Variants in ADGRL3 observed in about 807,000 individuals in gnomAD.
ADGRL3 encodes the protein adhesion G protein-coupled receptor L3.
A neutral mutation model predicts 153.5 loss-of-function variants in ADGRL3; 62 were observed. The observed-to-expected ratio is 0.40, with a 90% CI of 0.33 to 0.50. The LOEUF (loss-of-function observed/expected upper bound fraction) is 0.50. Among genes scored for constraint, ADGRL3 ranks in the 20% least tolerant of loss-of-function variants. ADGRL3 has a pLI of 0.47. For missense variants in ADGRL3, 1,641 were observed against 1,859.4 expected (o/e 0.88, Z 2.16); for synonymous variants, 710 against 672.5 (o/e 1.06, Z -0.86).
chr4:61,290,793 T>G (rs2094148088), intron 1 of ADGRL3, among the ~76,000 whole-genome samples: 1 of 152,000 alleles, frequency 6.6e-6, no homozygotes, highest in Non-Finnish European at 1.5e-5. Context: ...GTTCTTTTAT[T>G]TACAATGTGT....
intron 9 of ADGRL3, among the ~76,000 whole-genome samples, chr4:61,863,901 G>A (rs546423243): frequency 5.3e-5 from 8 of 152,182 alleles, no homozygotes; most frequent in Admixed American, 2.6e-4. Flanking sequence ...TCAATCAGGT[G>A]TTTGGAATGA....
chr4:61,982,532 G>A (rs2099072132), intron 18 of ADGRL3, among the ~76,000 whole-genome samples: 1 of 152,104 alleles, frequency 6.6e-6, no homozygotes, highest in Non-Finnish European at 1.5e-5. Context: ...TTTTCTAGTA[G>A]CAGTTATAGA....
At chr4:61,510,052 G>C (rs544317232) in intron 3 of ADGRL3, among the ~76,000 whole-genome samples, 1 of 152,112 alleles carries the variant, frequency 6.6e-6, no homozygotes, top group South Asian at 2.1e-4. Flanking sequence ...TTTGTTGGCC[G>C]CTTGTATGTC....
intron 6 of ADGRL3, among the ~76,000 whole-genome samples, chr4:61,684,854 A>C (rs755457182): frequency 1.2e-4 from 18 of 152,094 alleles, no homozygotes; most frequent in Non-Finnish European, 2.5e-4. Flanking sequence ...AAGGTATTTA[A>C]ATTTGCAACT....
At chr4:61,404,815 G>A (rs995925063) in intron 2 of ADGRL3, among the ~76,000 whole-genome samples, 20 of 152,004 alleles carry the variant, frequency 1.3e-4, no homozygotes, top group South Asian at 1.2e-3. Flanking sequence ...TGTCAGAGTC[G>A]TGGTTAAACA....
chr4:61,282,613 C>A (rs888041596), intron 1 of ADGRL3, among the ~76,000 whole-genome samples: 2 of 151,692 alleles, frequency 1.3e-5, no homozygotes, highest in African/African-American at 4.8e-5. Flanking sequence ...TGACTTGTGG[C>A]TTCATTAAAG....
chr4:61,755,717 T>C lies in ADGRL3; in HGVS notation c.1399+22163T>C, dbSNP rs554702499. 4.6e-5 allele frequency among the ~76,000 whole-genome samples: 7 copies of C among 152,346 alleles called. No homozygotes were observed. In the South Asian group the frequency reaches 1.5e-3, roughly 32 times the overall value. On this transcript the variant is annotated intron_variant, in intron 8 of 26. Transcript: ENST00000683033. ...CCCGTGCCTATATCTTGAGTGGTAT[T>C]GTCTAGGTTTTATTCTAGGTTTTTT...
At chr4:61,447,750 T>C (rs1479375340) in intron 2 of ADGRL3, among the ~76,000 whole-genome samples, 6 of 152,198 alleles carry the variant, frequency 3.9e-5, no homozygotes, top group Non-Finnish European at 8.8e-5. Context: ...TTTCTGTAAG[T>C]CTTTTGGGAT....
At chr4:61,705,068 A>C (rs186598257) in intron 6 of ADGRL3, among the ~76,000 whole-genome samples, 1 of 152,292 alleles carries the variant, frequency 6.6e-6, no homozygotes, top group Admixed American at 6.5e-5. Context: ...TTGAGATTTA[A>C]ATCTCCTCCC....
At chr4:61,269,414 T>C (rs1368135861) in intron 1 of ADGRL3, among the ~76,000 whole-genome samples, 1 of 151,694 alleles carries the variant, frequency 6.6e-6, no homozygotes, top group Non-Finnish European at 1.5e-5. Context: ...CAAGTTTGAG[T>C]AGATTAAATC....
At chr4:61,349,542 A>G (rs952001178) in intron 1 of ADGRL3, among the ~76,000 whole-genome samples, 1 of 152,072 alleles carries the variant, frequency 6.6e-6, no homozygotes, top group African/African-American at 2.4e-5. Flanking sequence ...TTAAAACAGT[A>G]TCCCTTTATA....
intron 8 of ADGRL3, among the ~76,000 whole-genome samples, chr4:61,791,609 C>T (rs2097342694): frequency 6.6e-6 from 1 of 152,242 alleles, no homozygotes; most frequent in African/African-American, 2.4e-5. Context: ...CTTCTCACAG[C>T]TCCACTAGGC....
At chr4:61,278,882 G>A (rs2093603327) in intron 1 of ADGRL3, among the ~76,000 whole-genome samples, 1 of 152,166 alleles carries the variant, frequency 6.6e-6, no homozygotes, top group Non-Finnish European at 1.5e-5. Context: ...AAAAGGAACA[G>A]ATAGGAGCAA....
intron 5 of ADGRL3, among the ~76,000 whole-genome samples, chr4:61,659,897 C>CAA (rs566191178): frequency 0.14 from 14,802 of 108,990 alleles, 1,505 homozygotes; most frequent in Admixed American, 0.21. Context: ...GTGAAGATTA[C>CAA]AAAAAAAAAA....
intron 21 of ADGRL3, among the ~76,000 whole-genome samples, chr4:62,013,819 C>T (rs1433614910): frequency 6.6e-6 from 1 of 151,640 alleles, no homozygotes; most frequent in Non-Finnish European, 1.5e-5. Flanking sequence ...ACCCGGAAAG[C>T]GGAGGTTTCA....
At chr4:61,301,992 A>G (rs908154402) in intron 1 of ADGRL3, among the ~76,000 whole-genome samples, 2 of 152,196 alleles carry the variant, frequency 1.3e-5, no homozygotes, top group African/African-American at 2.4e-5. Context: ...GAAGGGATCT[A>G]TTAAACTGGG....
chr4:61,625,690 T>A (rs1035830646), intron 5 of ADGRL3, among the ~76,000 whole-genome samples: 6 of 152,012 alleles, frequency 3.9e-5, no homozygotes, highest in Admixed American at 6.6e-5. Flanking sequence ...AGAATTTGGA[T>A]AGAGGTCAAT....
chr4:62,029,860 T>C (rs1720995294), intron 22 of ADGRL3, among the ~76,000 whole-genome samples: 1 of 151,628 alleles, frequency 6.6e-6, no homozygotes, highest in African/African-American at 2.4e-5. Flanking sequence ...CTTGATTTAA[T>C]GGCAATTCTT....
intron 17 of ADGRL3, among the ~76,000 whole-genome samples, chr4:61,954,706 T>G (rs540747423): frequency 6.6e-6 from 1 of 152,064 alleles, no homozygotes; most frequent in Admixed American, 6.6e-5. Flanking sequence ...TAAGTGTCTT[T>G]CTCTTCTCAA....
Sources: allele counts gnomAD v4.1 joint callset (sites outside exome capture counted in the v4.1 genomes callset), GRCh38; gene constraint gnomAD v4.1.1; transcripts MANE v1.5; gene names NCBI Gene and HGNC (gene_info 2026-07-23, HGNC 2026-07-21).